Variants in WASF1 observed in about 807,000 individuals in gnomAD.
WASF1 encodes WASP family member 1, also known as actin-binding protein WASF1.
WASF1 carries 7 observed loss-of-function variants against 50.5 expected under a neutral mutation model. The observed-to-expected ratio is 0.14, with a 90% confidence interval of 0.08 to 0.26. The LOEUF (loss-of-function observed/expected upper bound fraction) is 0.26. WASF1 is among the 10% of genes least tolerant of loss of function. The probability of loss-of-function intolerance (pLI) is 1.00; values close to 1 mark genes in which losing one functional copy is unlikely to be tolerated. For synonymous variants in WASF1, 205 were observed against 244.0 expected, an observed-to-expected ratio of 0.84 and a Z score of 1.49; for missense variants, 470 against 694.7, an observed-to-expected ratio of 0.68 and a Z score of 3.64.
chr6:110,163,925 T>C (rs115319115), intron 2 of WASF1, among the ~76,000 whole-genome samples: 203 of 151,722 alleles, frequency 1.3e-3, no homozygotes, highest in African/African-American at 4.8e-3. Flanking sequence ...TAGTCACTGA[T>C]CTTTGACAAA....
At chr6:110,101,190 C>T (rs1346975979) in intron 10 of WASF1, among the ~76,000 whole-genome samples, 2 of 152,256 alleles carry the variant, frequency 1.3e-5, no homozygotes, top group Admixed American at 1.3e-4. Context: ...CCTCTAAAGG[C>T]ATCTGGTAGA....
chr6:110,149,767 GA>G (rs1163717080), intron 3 of WASF1, among the ~76,000 whole-genome samples: 1 of 152,082 alleles, frequency 6.6e-6, no homozygotes, highest in Non-Finnish European at 1.5e-5. Context: ...ATGGATAAGT[GA>G]TTTGGTAGTG....
At chr6:110,176,407 A>G (rs1207083963) in intron 2 of WASF1, among the ~76,000 whole-genome samples, 3 of 152,088 alleles carry the variant, frequency 2.0e-5, no homozygotes, top group African/African-American at 7.2e-5. Flanking sequence ...CATAAATCAA[A>G]GACTACTAAC....
Position 110,107,024 on chromosome 6 carries a change from A to G in WASF1, c.540+53T>C, listed in dbSNP as rs192432572. The G allele has an allele frequency of 3.8e-5, 50 of 1,316,870 alleles. 1 individual carries two copies. In the East Asian group the frequency reaches 1.1e-3, roughly 30 times the overall value. 81.6% of individuals were successfully genotyped at this position (1,316,870 alleles called of 1,614,324 possible). ...AGATTAATGAAGTTCAATATATGCA[A>G]CAAAACACAAATATACAAAAATTAA... On this transcript the variant is annotated intron_variant, in intron 7 of 10. Coordinates refer to ENST00000392589, the MANE Select transcript of WASF1 (RefSeq NM_003931.3).
chr6:110,126,502 A>G (rs1300079374), intron 4 of WASF1, among the ~76,000 whole-genome samples: 1 of 152,212 alleles, frequency 6.6e-6, no homozygotes, highest in African/African-American at 2.4e-5. Flanking sequence ...AACAAATTAG[A>G]TTAACAACCT....
chr6:110,173,079 T>C (rs1410920551), intron 2 of WASF1, among the ~76,000 whole-genome samples: 2 of 152,166 alleles, frequency 1.3e-5, no homozygotes. Context: ...TTTAGCAAGA[T>C]GTCCCTATTA....
intron 3 of WASF1, among the ~76,000 whole-genome samples, chr6:110,149,116 T>C (rs940473611): frequency 7.9e-5 from 12 of 152,144 alleles, no homozygotes; most frequent in African/African-American, 2.9e-4. Context: ...TTAATGGTAT[T>C]TGGGACAGGG....
intron 2 of WASF1, among the ~76,000 whole-genome samples, chr6:110,177,618 C>T (rs1311663209): frequency 6.6e-6 from 1 of 152,098 alleles, no homozygotes; most frequent in Non-Finnish European, 1.5e-5. Context: ...TATAAGGAAA[C>T]CAAGGCACAA....
At chr6:110,149,526 A>G (rs1055533927) in intron 3 of WASF1, among the ~76,000 whole-genome samples, 1 of 151,844 alleles carries the variant, frequency 6.6e-6, no homozygotes, top group African/African-American at 2.4e-5. Context: ...GAAAAAAACA[A>G]AAAGAAAAGA....
Position 110,101,879 on chromosome 6 carries a change from G to A in WASF1, c.1231C>T (p.Pro411Ser). Residue 411 changes from proline to serine, a missense_variant, in exon 10 of 11, where the codon CCA (proline) becomes TCA (serine). Coordinates refer to ENST00000392589, the MANE Select transcript of WASF1 (RefSeq NM_003931.3). ...TCACCTTGTGGGAGTGGATGAACTG[G>A]TACAGTCTCACATACTGGGGCAGCT... ...ARAAPVCETV[P>S]VHPLPQGEVQ... 6.2e-7 allele frequency: 1 copy of A among 1,613,828 alleles called. No homozygotes were observed. The highest frequency in any genetic ancestry group is 8.5e-7 in the Non-Finnish European group (1 of 1,179,886).
chr6:110,129,939 ATAC>A (rs1171206755), intron 3 of WASF1, among the ~76,000 whole-genome samples: 3 of 152,228 alleles, frequency 2.0e-5, no homozygotes, highest in Non-Finnish European at 4.4e-5. Flanking sequence ...GTTTCAACTT[ATAC>A]TGTCATTTTT....
In WASF1 at chr6:110,107,067, C is replaced by A. The variant is rs765024572; in HGVS notation, c.540+10G>T. The A allele has an allele frequency of 8.6e-5, 136 of 1,574,228 alleles. 3 individuals are homozygous for A. In the South Asian group the frequency reaches 1.5e-3, roughly 18 times the overall value. On this transcript the variant is annotated intron_variant, in intron 7 of 10. Transcript: ENST00000392589. ...AAAATTAACCTCAATTTTTTAATCT[C>A]TTGTAATACCTTCTGCTTCCTCTTT... is the stretch of plus-strand genomic sequence containing the variant.
intron 5 of WASF1, among the ~76,000 whole-genome samples, chr6:110,111,532 G>A (rs1773556101): frequency 6.6e-6 from 1 of 152,142 alleles, no homozygotes; most frequent in Non-Finnish European, 1.5e-5. Context: ...TTCTCCAAAG[G>A]AGATATTCAA....
intron 3 of WASF1, among the ~76,000 whole-genome samples, chr6:110,150,457 T>C (rs190622769): frequency 1.2e-4 from 18 of 152,198 alleles, no homozygotes; most frequent in Admixed American, 1.0e-3. Context: ...TAAAACGAAG[T>C]AAATAATTTA....
chr6:110,140,254 T>C (rs1775166744), intron 3 of WASF1, among the ~76,000 whole-genome samples: 1 of 152,146 alleles, frequency 6.6e-6, no homozygotes, highest in African/African-American at 2.4e-5. Context: ...GGTAAACACA[T>C]GGAGGTTCCT....
rs1437001786 is a variant in WASF1, at chr6:110,102,230, G to C, written c.894-14C>G. The C allele has an allele frequency of 7.3e-7, 1 of 1,377,012 alleles. No individual in the cohort carries two copies. Among genetic ancestry groups the C allele is most frequent in the African/African-American group, 1.5e-5 (1 of 67,874 alleles). 85.3% of individuals were successfully genotyped at this position (1,377,012 alleles called of 1,614,324 possible). ...CCTGTAGCAGAACTGAAATGACAAA[G>C]AGATTCTAGCAAGTTATTAAAAGAG... On this transcript the variant is annotated splice_polypyrimidine_tract_variant and intron_variant, in intron 9 of 10. Coordinates refer to ENST00000392589, the MANE Select transcript of WASF1 (RefSeq NM_003931.3).
intron 8 of WASF1, among the ~76,000 whole-genome samples, chr6:110,105,118 G>C (rs1773261577): frequency 6.6e-6 from 1 of 152,110 alleles, no homozygotes; most frequent in Non-Finnish European, 1.5e-5. Context: ...AGCAGACTGT[G>C]CCTGAAATAT....
Position 110,108,657 on chromosome 6 carries a change from C to T in WASF1, c.293G>A (p.Arg98Lys). 3.1e-6 allele frequency: 5 copies of T among 1,613,890 alleles called. No homozygotes were observed. The South Asian group carries it at 3.3e-5, about 11-fold the overall frequency. Residue 98 changes from arginine to lysine, a missense_variant, in exon 6 of 11, where the codon AGG (arginine) becomes AAG (lysine). Around this residue, in one of 3 missense-constraint regions of WASF1, gnomAD observed 140 missense variants for 260.5 expected, o/e 0.54. Transcript: ENST00000392589. ...EELSLQDITMRKAFRSSTIQD... is the reference protein window; with the variant it reads ...EELSLQDITMKKAFRSSTIQD... ...AATTGTAGAACTTCGGAAAGCTTTC[C>T]TCATTGTTATATCTTGCAAAGACAC...
chr6:110,132,963 T>TATACACACACAC (rs1554202008), intron 3 of WASF1, among the ~76,000 whole-genome samples: 1 of 130,072 alleles, frequency 7.7e-6, no homozygotes, highest in South Asian at 2.6e-4. Flanking sequence ...CCATGGTGTA[T>TATACACACACAC]ACACACACAC....
Sources: allele counts gnomAD v4.1 joint callset (sites outside exome capture counted in the v4.1 genomes callset), GRCh38; gene constraint gnomAD v4.1.1; regional missense constraint gnomAD v4.1.1; transcripts MANE v1.5; gene names NCBI Gene and HGNC (gene_info 2026-07-23, HGNC 2026-07-21).